Variants in RBM5 observed in about 807,000 individuals in gnomAD.
RBM5 encodes the protein RNA binding motif protein 5, also known as RNA-binding protein 5.
In RBM5, 15 loss-of-function variants were observed where a neutral mutation model predicts 124.6. The ratio of observed to expected loss-of-function variants is 0.12; its 90% confidence interval spans 0.08 to 0.19. The LOEUF (loss-of-function observed/expected upper bound fraction) is 0.19. Ranked by LOEUF, RBM5 falls within the 10% of genes least tolerant of loss-of-function variation. RBM5 has a pLI of 1.00. For synonymous variants in RBM5, 337 were observed against 361.2 expected, an observed-to-expected ratio of 0.93 and a Z score of 0.76; for missense variants, 580 against 1,026.5, an observed-to-expected ratio of 0.57 and a Z score of 5.94.
At position 50,104,643 on chromosome 3, in the gene RBM5, C is replaced by CA. The variant is rs1418724407; in HGVS notation, c.628+343dup. On this transcript the variant is annotated intron_variant, in intron 8 of 24. Transcript: ENST00000347869. ...GGGCAACAAACAAGACCCTGCCTCT[C>CA]AAAAAAAACAAAACAAAAATCTGAC... The CA allele has an allele frequency of 7.9e-4, 210 of 265,058 alleles. 2 individuals carry two copies. Among genetic ancestry groups the CA allele is most frequent in the African/African-American group, 3.1e-3 (141 of 45,286 alleles). 16.4% of individuals were successfully genotyped at this position (265,058 alleles called of 1,614,324 possible). A position where few individuals can be genotyped will look rare whatever the true frequency, so the allele number is the denominator to read the frequency against.
rs139560440 is a variant in RBM5, at chr3:50,116,996, T to G, written c.2095-78T>G. ...TCAGATTTAAAAATACTTGAGGGGA[T>G]AGTTTTGAATAGGTGCATTAGACGG... On this transcript the variant is annotated intron_variant, in intron 22 of 24. Coordinates refer to ENST00000347869, the MANE Select transcript of RBM5 (RefSeq NM_005778.4). 3.9e-6 allele frequency: 5 copies of G among 1,277,472 alleles called. No individual in the cohort carries two copies. The African/African-American group carries it at 7.4e-5, about 19-fold the overall frequency. The allele number at this position is 1,277,472 out of a possible 1,614,324, so 79.1% of individuals were successfully genotyped here.
Position 50,104,297 on chromosome 3 carries a change from C to T in RBM5, c.617C>T (p.Ala206Val), listed in dbSNP as rs1281323806. ...RKRLKCFRCG[A>V]DKFDSEQEVP... ...AGACTAAAATGCTTCCGATGTGGAG[C>T]AGACAAGTTTGGTAAGACTGGATTC... The change falls in exon 8 of 25, where the codon GCA (alanine) becomes GTA (valine). Residue 206 changes from alanine to valine, a missense_variant. Around this residue, in one of 6 missense-constraint regions of RBM5, gnomAD observed 101 missense variants for 223.2 expected, o/e 0.45. Transcript: ENST00000347869. 1 of 1,613,844 alleles carries T rather than the reference C, an allele frequency of 6.2e-7. No individual in the cohort carries two copies. The highest frequency in any genetic ancestry group is 2.2e-5 in the East Asian group (1 of 44,890).
chr3:50,112,400 A>T (rs1160280680), intron 17 of RBM5, among the ~76,000 whole-genome samples: 2 of 119,240 alleles, frequency 1.7e-5, no homozygotes, highest in East Asian at 2.4e-4. Flanking sequence ...TGGGTGACGG[A>T]GCGAGACTCT....
intron 3 of RBM5, 127 bp downstream of exon 3, chr3:50,092,335 C>A: frequency 9.8e-7 from 1 of 1,016,110 alleles, no homozygotes; most frequent in Non-Finnish European, 1.4e-6. Context: ...GCCAAGGCGG[C>A]CAGATCACTT....
intron 3 of RBM5, 36 bp downstream of exon 3, chr3:50,092,244 C>T: frequency 1.3e-6 from 2 of 1,598,508 alleles, no homozygotes; most frequent in Non-Finnish European, 1.7e-6. Flanking sequence ...CCCCAAAACA[C>T]TCTGAGCCTT....
chr3:50,105,048 G>T, intron 8 of RBM5, 29 bp from the exon 9 acceptor site: 1 of 1,473,768 alleles, frequency 6.8e-7, no homozygotes, highest in Non-Finnish European at 9.5e-7. Flanking sequence ...TTAGTTGTTT[G>T]TCTCTAATTG....
Position 50,100,369 on chromosome 3 carries a change from C to T in RBM5, c.410-163C>T. The T allele has an allele frequency of 1.6e-6, 1 of 619,598 alleles. No homozygotes were observed. The highest frequency in any genetic ancestry group is 2.8e-6 in the Non-Finnish European group (1 of 360,570). 38.4% of individuals were successfully genotyped at this position (619,598 alleles called of 1,614,324 possible). The stretch of plus-strand genomic sequence containing the variant: ...TTTAGTTCAGGCGGCTTGTTCCTTG[C>T]CATGGCAAAGTATCAAGAAGATCCC... On this transcript the variant is annotated intron_variant, in intron 5 of 24. Coordinates refer to ENST00000347869, the MANE Select transcript of RBM5 (RefSeq NM_005778.4). The surrounding 1 kb of genome is among the most constrained non-coding windows in gnomAD (Gnocchi z 5.1).
At chr3:50,109,411 T>G (rs2091102102) in intron 14 of RBM5, among the ~76,000 whole-genome samples, 192 bp from the exon 15 acceptor site, 1 of 152,180 alleles carries the variant, frequency 6.6e-6, no homozygotes, top group Non-Finnish European at 1.5e-5. Context: ...AATCCTTAAC[T>G]TTGTATATCA....
intron 2 of RBM5, 177 bp from the exon 3 acceptor site, chr3:50,091,866 T>A: frequency 1.5e-6 from 1 of 681,378 alleles, no homozygotes; most frequent in Admixed American, 2.1e-5. Flanking sequence ...CATTTAGGGA[T>A]GTAGGTATTT....
At chr3:50,099,840 C>A in intron 4 of RBM5, 142 bp from the exon 5 acceptor site, 1 of 636,210 alleles carries the variant, frequency 1.6e-6, no homozygotes, top group South Asian at 2.2e-5. Context: ...CCAGCCTGGG[C>A]AATCAAGTGA....
rs367942409 is a variant in RBM5 at position 50,107,789 on chromosome 3, T to C, written c.1041+220T>C. ...GCAAGCTCCACCTTCCAGGTTCAAG[T>C]GGTTCTTCTGTCTCAGCCTCTTGAG... On this transcript the variant is annotated intron_variant, in intron 12 of 24. Transcript: ENST00000347869. 1.3e-4 allele frequency among the ~76,000 whole-genome samples: 18 copies of C among 143,066 alleles called. No homozygotes were observed. The East Asian group carries it at 2.7e-3, about 21-fold the overall frequency. 93.9% of individuals were successfully genotyped at this position (143,066 alleles called of 152,430 possible). A position where few individuals can be genotyped will look rare whatever the true frequency, so the allele number is the denominator to read the frequency against.
intron 8 of RBM5, 72 bp downstream of exon 8, chr3:50,104,380 G>A (rs1375629138): frequency 4.1e-6 from 6 of 1,449,988 alleles, no homozygotes; most frequent in South Asian, 2.3e-5. Flanking sequence ...GTGGCTCACT[G>A]TAATCCCACC....
chr3:50,102,959 T>C (rs2090969012), intron 6 of RBM5, 124 bp from the exon 7 acceptor site: 1 of 738,408 alleles, frequency 1.4e-6, no homozygotes, highest in African/African-American at 1.8e-5. Context: ...TGGCGGTGGT[T>C]GGTCCTCCCC....
intron 4 of RBM5, among the ~76,000 whole-genome samples, chr3:50,095,869 A>G (rs1212620352): frequency 6.6e-6 from 1 of 152,112 alleles, no homozygotes; most frequent in East Asian, 1.9e-4. Flanking sequence ...GAGGTTTTAA[A>G]ACAGCAGTGT....
At chr3:50,105,029 G>C in intron 8 of RBM5, 48 bp from the exon 9 acceptor site, 6 of 1,316,096 alleles carry the variant, frequency 4.6e-6, no homozygotes, top group South Asian at 1.3e-5. Flanking sequence ...TTTCTTTGGT[G>C]AAAATACATT....
intron 21 of RBM5, 112 bp from the exon 22 acceptor site, chr3:50,115,794 T>A: frequency 2.5e-6 from 3 of 1,219,218 alleles, no homozygotes; most frequent in Non-Finnish European, 3.6e-6. Flanking sequence ...TTTATGTGAT[T>A]GTGTATTGTT....
chr3:50,114,275 T>C (rs1317124986), intron 20 of RBM5, 24 bp downstream of exon 20: 1 of 1,587,344 alleles, frequency 6.3e-7, no homozygotes, highest in Non-Finnish European at 8.5e-7. Flanking sequence ...ACCAGTGTTT[T>C]AAAGACCCTA....
rs201548077 is a variant in RBM5 at position 50,113,484 on chromosome 3, G to A, written c.1557G>A (p.Leu519=). 3 of 1,614,124 alleles carry A rather than the reference G, an allele frequency of 1.9e-6. No individual in the cohort carries two copies. Among genetic ancestry groups the A allele is most frequent in the Non-Finnish European group, 2.5e-6 (3 of 1,180,012 alleles). Reference sequence around the variant, plus strand: ...CTAGCTCCCACCAGCAGTCGGGCCTGCCTCCTGCAAAAGAGGGGAAAGAGA... The same window carrying A: ...CTAGCTCCCACCAGCAGTCGGGCCTACCTCCTGCAAAAGAGGGGAAAGAGA... ...AESSSHQQSG[L]PPAKEGKEKK... is the part of the protein sequence containing the mutation. The change falls in exon 18 of 25, where the codon CTG becomes CTA. Residue 519 remains leucine, a synonymous_variant. Transcript: ENST00000347869.
rs1308961952 is a variant in RBM5, at chr3:50,117,388, T to C, written c.2322+9T>C. 1 of 1,613,376 alleles carries C rather than the reference T, an allele frequency of 6.2e-7. No homozygotes were observed. The highest frequency in any genetic ancestry group is 8.5e-7 in the Non-Finnish European group (1 of 1,179,986). On this transcript the variant is annotated intron_variant, in intron 24 of 24. Transcript: ENST00000347869. The surrounding 1 kb of genome is among the most constrained non-coding windows in gnomAD (Gnocchi z 4.2). The stretch of plus-strand genomic sequence containing the variant: ...TTACGGCTCCCATTGAGGTAAGCAG[T>C]GGGGTCAGGTCTTGATGTTTGCCAG...
Sources: gnomAD v4.1 joint callset for allele counts (sites outside exome capture counted in the v4.1 genomes callset) on GRCh38, gnomAD v4.1.1 for gene constraint, gnomAD v4.1.1 regional missense constraint, Gnocchi (gnomAD v3.1) non-coding constraint, MANE v1.5 for transcripts, NCBI Gene and HGNC (gene_info 2026-07-23, HGNC 2026-07-21) for gene names.